BICD1: variants seen among roughly 807,000 people sequenced by gnomAD.
The protein encoded by BICD1 is protein bicaudal D homolog 1.
A neutral mutation model predicts 92.5 loss-of-function variants in BICD1; 35 were observed. That is an observed-to-expected ratio of 0.38 (90% CI 0.29 to 0.50). BICD1 has a LOEUF of 0.50. BICD1 is among the 20% of genes least tolerant of loss of function. The probability of loss-of-function intolerance (pLI) is 0.93; values close to 1 mark genes in which losing one functional copy is unlikely to be tolerated. For missense variants in BICD1, 950 were observed against 1,189.8 expected, an observed-to-expected ratio of 0.80 and a Z score of 2.97; for synonymous variants, 429 against 465.1, an observed-to-expected ratio of 0.92 and a Z score of 1.00.
chr12:32,246,987 G>A lies in BICD1; in HGVS notation c.426+30528G>A, dbSNP rs112543736. 2.8e-3 allele frequency among the ~76,000 whole-genome samples: 433 copies of A among 152,164 alleles called. 3 individuals are homozygous for A. The highest frequency in any genetic ancestry group is 9.9e-3 in the African/African-American group (412 of 41,510). On this transcript the variant is annotated intron_variant, in intron 2 of 9. Coordinates refer to ENST00000652176, the MANE Select transcript of BICD1 (RefSeq NM_001714.4). The stretch of plus-strand genomic sequence containing the variant: ...AAGATGCCTGTTATGGTCAGGCACC[G>A]TGGCTCACACCTGTAATCTAGAACT...
chr12:32,152,018 G>A (rs1943303027), intron 1 of BICD1, among the ~76,000 whole-genome samples: 2 of 152,052 alleles, frequency 1.3e-5, no homozygotes, highest in Admixed American at 6.6e-5. Context: ...GTGTAGTGGC[G>A]CGTTCTCAGC....
At chr12:32,340,612 CTG>C (rs71936373) in intron 8 of BICD1, 136,196 of 706,000 alleles carry the variant, frequency 0.19, 14,583 homozygotes, top group East Asian at 0.58. Flanking sequence ...ACAACAATAA[CTG>C]TTTTCATTTT....
chr12:32,174,164 T>C (rs1478729690), intron 1 of BICD1, among the ~76,000 whole-genome samples: 1 of 152,220 alleles, frequency 6.6e-6, no homozygotes, highest in African/African-American at 2.4e-5. Flanking sequence ...TCTTTCTCTG[T>C]GGGCTTTATG....
intron 8 of BICD1, chr12:32,352,733 G>A (rs1938945061): frequency 6.6e-6 from 1 of 151,904 alleles, no homozygotes; most frequent in African/African-American, 2.4e-5. Flanking sequence ...ATAGAAGCCA[G>A]GGATGTGATG....
intron 2 of BICD1, among the ~76,000 whole-genome samples, chr12:32,243,264 A>ATTTTTTTT (rs71068310): frequency 0.069 from 5,117 of 73,688 alleles, 438 homozygotes; most frequent in East Asian, 0.2. Flanking sequence ...TGCCTGGCTA[A>ATTTTTTTT]TTTTTTTTTT....
intron 8 of BICD1, among the ~76,000 whole-genome samples, chr12:32,343,494 A>T (rs1431952372): frequency 1.3e-5 from 2 of 152,240 alleles, no homozygotes; most frequent in Non-Finnish European, 2.9e-5. Context: ...CAGCATTTAC[A>T]CATGATAAAT....
At chr12:32,324,353 C>G (rs1215659088) in intron 4 of BICD1, among the ~76,000 whole-genome samples, 1 of 49,196 alleles carries the variant, frequency 2.0e-5, no homozygotes, top group Non-Finnish European at 4.4e-5. Flanking sequence ...GACTCCATCT[C>G]AAAAAAAAAA....
At chr12:32,346,155 TAAATAAAAAG>T (rs1938555691) in intron 8 of BICD1, among the ~76,000 whole-genome samples, 1 of 148,728 alleles carries the variant, frequency 6.7e-6, no homozygotes, top group African/African-American at 2.6e-5. Context: ...TTTCAAAAAA[TAAATAAAAAG>T]AAACAAGTGA....
chr12:32,106,954 C>T lies in BICD1; in HGVS notation c.-378C>T. ...AGGGCGAGACTGCAGTGACGCGGCC[C>T]GGGAGACATGGCGGACGGGCGTCTC... On this transcript the variant is annotated 5_prime_UTR_variant, in exon 1 of 10. Coordinates refer to ENST00000652176, the MANE Select transcript of BICD1 (RefSeq NM_001714.4). The T allele has an allele frequency of 8.6e-6, 2 of 231,668 alleles. No homozygotes were observed. The highest frequency in any genetic ancestry group is 1.3e-4 in the South Asian group (2 of 15,948). 14.4% of individuals were successfully genotyped at this position (231,668 alleles called of 1,614,324 possible).
intron 9 of BICD1, among the ~76,000 whole-genome samples, chr12:32,368,400 A>G (rs1279803106): frequency 6.6e-6 from 1 of 152,130 alleles, no homozygotes; most frequent in Non-Finnish European, 1.5e-5. Flanking sequence ...ATAAAACTTA[A>G]AGTGTTTAAA....
chr12:32,320,148 G>T (rs1948611090), intron 4 of BICD1, among the ~76,000 whole-genome samples: 1 of 152,114 alleles, frequency 6.6e-6, no homozygotes, highest in South Asian at 2.1e-4. Context: ...AGTTCCGTTT[G>T]TGCATATCGA....
chr12:32,112,999 G>A (rs1024697260), intron 1 of BICD1, among the ~76,000 whole-genome samples: 1 of 152,128 alleles, frequency 6.6e-6, no homozygotes, highest in Non-Finnish European at 1.5e-5. Flanking sequence ...AGAGGTTTAG[G>A]TCTCTTCCCA....
intron 2 of BICD1, among the ~76,000 whole-genome samples, chr12:32,224,397 G>C (rs1397619738): frequency 6.6e-6 from 1 of 152,192 alleles, no homozygotes; most frequent in African/African-American, 2.4e-5. Flanking sequence ...ACTTTACTAC[G>C]TTCATTATTG....
intron 1 of BICD1, among the ~76,000 whole-genome samples, chr12:32,206,695 A>C (rs1039123348): frequency 6.6e-6 from 1 of 152,248 alleles, no homozygotes. Flanking sequence ...CAGTGTTCAC[A>C]GCTACATTGT....
intron 4 of BICD1, among the ~76,000 whole-genome samples, chr12:32,311,170 T>C (rs1252731221): frequency 1.3e-5 from 2 of 152,154 alleles, no homozygotes; most frequent in Middle Eastern, 3.2e-3. Flanking sequence ...TTATATATTT[T>C]AGGGAGGCAT....
intron 2 of BICD1, among the ~76,000 whole-genome samples, chr12:32,270,017 G>C (rs1251765073): frequency 6.6e-6 from 1 of 151,692 alleles, no homozygotes; most frequent in Non-Finnish European, 1.5e-5. Context: ...AGCTACTCGG[G>C]AGGCCGAGGC....
rs976024586 is a variant in BICD1 at position 32,379,302 on chromosome 12, G to A, written c.*1675G>A. ...AAGCACATTGCAGGAGCTTTCGTTA[G>A]TCATACGCCTATTAAGTAGTGGTCG... On this transcript the variant is annotated 3_prime_UTR_variant, in exon 10 of 10. Coordinates refer to ENST00000652176, the MANE Select transcript of BICD1 (RefSeq NM_001714.4). 1 of 152,224 alleles carries A rather than the reference G, an allele frequency of 6.6e-6. No individual in the cohort carries two copies. The highest frequency in any genetic ancestry group is 1.5e-5 in the Non-Finnish European group (1 of 68,056). 9.4% of individuals were successfully genotyped at this position (152,224 alleles called of 1,614,324 possible).
intron 4 of BICD1, among the ~76,000 whole-genome samples, chr12:32,315,624 CTTCTTTCAT>C (rs766447334): frequency 3.5e-4 from 53 of 152,196 alleles, no homozygotes; most frequent in South Asian, 1.9e-3. Flanking sequence ...TTATTTAGGT[CTTCTTTCAT>C]TTCTTTCAAC....
chr12:32,376,539 C>T (rs1177525499), intron 9 of BICD1, among the ~76,000 whole-genome samples: 1 of 151,586 alleles, frequency 6.6e-6, no homozygotes, highest in East Asian at 2.0e-4. Flanking sequence ...CTATCACAGG[C>T]GTCGTTTGGA....
Sources: gnomAD v4.1 joint callset for allele counts (sites outside exome capture counted in the v4.1 genomes callset) on GRCh38, gnomAD v4.1.1 for gene constraint, MANE v1.5 for transcripts, NCBI Gene and HGNC (gene_info 2026-07-23, HGNC 2026-07-21) for gene names.